Variants in CSF2RA observed in about 807,000 individuals in gnomAD.
CSF2RA encodes the protein colony stimulating factor 2 receptor subunit alpha, also known as granulocyte-macrophage colony-stimulating factor receptor subunit alpha.
Under a neutral mutation model 51.6 loss-of-function variants are expected in CSF2RA, and 42 were observed. The ratio of observed to expected loss-of-function variants is 0.81; its 90% CI spans 0.64 to 1.05. CSF2RA has a LOEUF of 1.05. Ranked by LOEUF, CSF2RA falls within the 50% of genes least tolerant of loss-of-function variation. The pLI is 0.00. For missense variants in CSF2RA, 530 were observed against 501.1 expected (o/e 1.06, Z -0.55); for synonymous variants, 222 against 193.0 (o/e 1.15, Z -1.24).
At chrX:1,272,196 C>T (rs2088524621) in intron 1 of CSF2RA, among the ~76,000 whole-genome samples, 1 of 151,722 alleles carries the variant, frequency 6.6e-6, no homozygotes, top group Non-Finnish European at 1.5e-5. Flanking sequence ...TCAGGTGATC[C>T]GCCTGCCTCG....
downstream of CSF2RA, among the ~76,000 whole-genome samples, chrX:1,310,675 A>C (rs2084135640): frequency 2.0e-5 from 3 of 151,816 alleles, no homozygotes; most frequent in South Asian, 6.3e-4. Context: ...CTCAAAAAAA[A>C]AAAAAAAAAA....
chrX:1,290,915 G>C (rs1225565136), intron 7 of CSF2RA, among the ~76,000 whole-genome samples: 1 of 152,020 alleles, frequency 6.6e-6, no homozygotes. Context: ...AATTAGAACT[G>C]AGCTGATTTA....
intron 2 of CSF2RA, chrX:1,282,315 G>T: frequency 3.6e-6 from 1 of 277,038 alleles, no homozygotes; most frequent in Non-Finnish European, 6.9e-6. Flanking sequence ...TTAACAGAAA[G>T]TAAAAGCTAT....
downstream of CSF2RA, among the ~76,000 whole-genome samples, chrX:1,314,528 C>CTG (rs2084406624): frequency 1.2e-5 from 1 of 86,376 alleles, no homozygotes; most frequent in Non-Finnish European, 2.2e-5. Flanking sequence ...CTGCCCAATC[C>CTG]CACTGCACCT....
chrX:1,288,759 G>A lies in CSF2RA; in HGVS notation c.344G>A (p.Gly115Glu). 1 of 1,613,900 alleles carries A rather than the reference G, an allele frequency of 6.2e-7. No homozygotes were observed. The highest frequency in any genetic ancestry group is 8.5e-7 in the Non-Finnish European group (1 of 1,179,856). ...FQQKLLYPNS[G>E]REGTAAQNFS... is the part of the protein sequence containing the mutation. Reference sequence around the variant, plus strand: ...TTATTTTGTTTCTACCTCTTCCCAGGAAGGGAGGGTACCGCTGCTCAGAAT... The same window carrying A: ...TTATTTTGTTTCTACCTCTTCCCAGAAAGGGAGGGTACCGCTGCTCAGAAT... The change falls in exon 6 of 13, where the codon GGA (glycine) becomes GAA (glutamate). Residue 115 changes from glycine (G) to glutamate (E), a missense_variant and splice_region_variant. By Grantham distance (98) the Gly-to-Glu change is moderately conservative (BLOSUM62 -2). Coordinates refer to ENST00000381529, the MANE Select transcript of CSF2RA (RefSeq NM_172245.4).
intron 9 of CSF2RA, among the ~76,000 whole-genome samples, chrX:1,299,361 C>T (rs138805950): frequency 5.5e-4 from 84 of 152,270 alleles, no homozygotes; most frequent in Admixed American, 1.8e-3. Flanking sequence ...ATCTTAATAT[C>T]CCTTGCTAAA....
downstream of CSF2RA, among the ~76,000 whole-genome samples, chrX:1,313,036 C>A (rs1358338403): frequency 3.3e-5 from 5 of 152,122 alleles, no homozygotes; most frequent in Non-Finnish European, 7.3e-5. Context: ...GCAGGTCCAC[C>A]TCCCCAAGGG....
chrX:1,272,253 C>G (rs2088530559), intron 1 of CSF2RA, among the ~76,000 whole-genome samples: 1 of 151,614 alleles, frequency 6.6e-6, no homozygotes, highest in Admixed American at 6.6e-5. Context: ...TGTACCCAGC[C>G]AGATTTACAC....
At position 1,300,547 on chromosome X, in the gene CSF2RA, A is replaced by G. The variant is rs146828076; in HGVS notation, c.867A>G (p.Arg289=). The change falls in exon 10 of 13, where the codon AGA becomes AGG. Residue 289 remains arginine (R), a synonymous_variant. Coordinates refer to ENST00000381529, the MANE Select transcript of CSF2RA (RefSeq NM_172245.4). ...NRYNFPSSEP[R]AKHSVKIRAA... Reference sequence around the variant, plus strand: ...ACAACTTTCCAAGCTCTGAGCCCAGAGCAAAACACAGTGTGAAGATCAGAG... The same window carrying G: ...ACAACTTTCCAAGCTCTGAGCCCAGGGCAAAACACAGTGTGAAGATCAGAG... 9 of 1,613,804 alleles carry G rather than the reference A, an allele frequency of 5.6e-6. No homozygotes were observed. The African/African-American group carries it at 8.0e-5, about 14-fold the overall frequency.
intron 9 of CSF2RA, 190 bp from the exon 10 acceptor site, chrX:1,300,301 C>T (rs1331354220): frequency 1.5e-6 from 1 of 655,070 alleles, no homozygotes; most frequent in Non-Finnish European, 2.6e-6. Flanking sequence ...CATCGAAATA[C>T]TAACGAGGCT....
chrX:1,275,374 G>A, intron 2 of CSF2RA, among the ~76,000 whole-genome samples: 1 of 151,790 alleles, frequency 6.6e-6, no homozygotes. Flanking sequence ...CTGGGCAACA[G>A]AGCGACAGTC....
At chrX:1,271,618 GTGAT>G (rs2088442913) in intron 1 of CSF2RA, among the ~76,000 whole-genome samples, 1 of 151,682 alleles carries the variant, frequency 6.6e-6, no homozygotes, top group Non-Finnish European at 1.5e-5. Flanking sequence ...CCGGGTTCAA[GTGAT>G]TCTCCTGCCT....
chrX:1,269,609 C>T (rs1246518857), intron 1 of CSF2RA, among the ~76,000 whole-genome samples: 2 of 136,744 alleles, frequency 1.5e-5, no homozygotes, highest in Non-Finnish European at 3.1e-5. Flanking sequence ...GGCAACAAGA[C>T]GAGATTCTGT....
intron 2 of CSF2RA, among the ~76,000 whole-genome samples, chrX:1,277,339 T>C (rs763726630): frequency 1.3e-5 from 2 of 152,002 alleles, no homozygotes; most frequent in South Asian, 4.1e-4. Context: ...GGCTCACACC[T>C]GTAATCCCAG....
intron 3 of CSF2RA, among the ~76,000 whole-genome samples, chrX:1,285,085 A>C (rs1194530816): frequency 6.6e-6 from 1 of 151,966 alleles, no homozygotes; most frequent in Non-Finnish European, 1.5e-5. Context: ...TTTTTTAAAG[A>C]GATGCGATCT....
At chrX:1,274,733 G>A (rs749234131) in intron 1 of CSF2RA, 22 bp from the exon 2 acceptor site, 6 of 453,084 alleles carry the variant, frequency 1.3e-5, no homozygotes, top group South Asian at 7.8e-5. Flanking sequence ...TTGGGGTCCT[G>A]AGACTTATTT....
intron 7 of CSF2RA, among the ~76,000 whole-genome samples, chrX:1,291,844 C>T (rs2091432414): frequency 6.6e-6 from 1 of 150,406 alleles, no homozygotes; most frequent in Non-Finnish European, 1.5e-5. Context: ...ACTGCACCAC[C>T]TCCACCTGGA....
chrX:1,275,586 C>T (rs2089072080), intron 2 of CSF2RA, among the ~76,000 whole-genome samples: 3 of 151,464 alleles, frequency 2.0e-5, no homozygotes, highest in Admixed American at 6.6e-5. Context: ...TGAGATGAAG[C>T]CTTGCTCAGT....
intron 6 of CSF2RA, 144 bp downstream of exon 6, chrX:1,289,032 G>A (rs1365892413): frequency 3.6e-6 from 4 of 1,118,568 alleles, no homozygotes; most frequent in Non-Finnish European, 2.6e-6. Flanking sequence ...TGCCACCTCG[G>A]CTCACTGCAA....
Sources: allele counts gnomAD v4.1 joint callset (sites outside exome capture counted in the v4.1 genomes callset), GRCh38; gene constraint gnomAD v4.1.1; transcripts MANE v1.5; gene names NCBI Gene and HGNC (gene_info 2026-07-23, HGNC 2026-07-21).